Variants in TRIM42 observed in about 807,000 individuals in gnomAD.
The protein encoded by TRIM42 is tripartite motif containing 42.
A neutral mutation model predicts 64.9 loss-of-function variants in TRIM42; 59 were observed. The observed-to-expected ratio is 0.91, with a 90% CI of 0.74 to 1.13. TRIM42 has a LOEUF of 1.13. Among genes scored for constraint, TRIM42 ranks in the 50% most tolerant of loss-of-function variants. TRIM42 has a pLI of 0.00. For missense variants in TRIM42, 878 were observed against 929.5 expected (o/e 0.94, Z 0.72); for synonymous variants, 354 against 346.3 (o/e 1.02, Z -0.25).
Position 140,697,928 on chromosome 3 carries a change from C to T in TRIM42, c.2086-2960C>T, listed in dbSNP as rs369503728. Reference sequence around the variant, plus strand: ...TCTATCTCCTGACCTCGTGATCTGCCGGCCTCAGCCTCCCAAAGTGCTGGG... The same window carrying T: ...TCTATCTCCTGACCTCGTGATCTGCTGGCCTCAGCCTCCCAAAGTGCTGGG... On this transcript the variant is annotated intron_variant, in intron 4 of 4. Transcript: ENST00000286349. Among the ~76,000 whole-genome samples the T allele has an allele frequency of 7.2e-4, 109 of 152,296 alleles. 1 individual carries two copies. Among genetic ancestry groups the T allele is most frequent in the African/African-American group, 2.5e-3 (105 of 41,574 alleles).
chr3:140,685,812 T>C (rs535543659), intron 2 of TRIM42, among the ~76,000 whole-genome samples: 8 of 152,344 alleles, frequency 5.3e-5, no homozygotes, highest in African/African-American at 1.9e-4. Context: ...TGTAACACTA[T>C]ACAGTCACTT....
intron 4 of TRIM42, among the ~76,000 whole-genome samples, chr3:140,696,965 A>G (rs946034688): frequency 2.0e-5 from 3 of 152,156 alleles, no homozygotes; most frequent in African/African-American, 7.2e-5. Flanking sequence ...ACATGTGGGT[A>G]CTTAATTTGA....
chr3:140,699,827 T>C (rs907351420), intron 4 of TRIM42, among the ~76,000 whole-genome samples: 1 of 152,250 alleles, frequency 6.6e-6, no homozygotes, highest in African/African-American at 2.4e-5. Context: ...TTGCCTTGCA[T>C]GCAGCCCTGT....
intron 1 of TRIM42, 71 bp from the exon 2 acceptor site, chr3:140,682,391 T>C (rs1988421574): frequency 2.0e-6 from 3 of 1,474,364 alleles, no homozygotes; most frequent in Non-Finnish European, 2.8e-6. Context: ...CAAGAGTTCT[T>C]TCAGAGGTAG....
chr3:140,699,234 C>A (rs1032481197), intron 4 of TRIM42, among the ~76,000 whole-genome samples: 1 of 152,054 alleles, frequency 6.6e-6, no homozygotes. Flanking sequence ...TCAGTTAGCT[C>A]GTATTTTATT....
At position 140,688,451 on chromosome 3, in the gene TRIM42, TC is replaced by T. The variant is rs769007621; in HGVS notation, c.1771del (p.His591ThrfsTer11). 1.2e-6 allele frequency: 2 copies of T among 1,614,148 alleles called. No individual in the cohort carries two copies. Among genetic ancestry groups the T allele is most frequent in the Non-Finnish European group, 1.7e-6 (2 of 1,180,026 alleles). ...CAGTCTGTACAGAACAGCAGCAGCT[TC>T]CACAACTGGTACTCATTCAACGATG... ...DSQSVQNSSS[F>X]HNWYSFNDGS... On this transcript the variant is annotated frameshift_variant, in exon 3 of 5. Coordinates refer to ENST00000286349, the MANE Select transcript of TRIM42 (RefSeq NM_152616.5). LOFTEE classifies it high-confidence loss of function.
chr3:140,692,645 T>A (rs1396479617), intron 4 of TRIM42, among the ~76,000 whole-genome samples: 1 of 151,668 alleles, frequency 6.6e-6, no homozygotes, highest in East Asian at 1.9e-4. Context: ...TAGCCACTCC[T>A]CCTGCCAGCC....
chr3:140,696,041 G>T (rs1215326834), intron 4 of TRIM42, among the ~76,000 whole-genome samples: 1 of 152,136 alleles, frequency 6.6e-6, no homozygotes, highest in Non-Finnish European at 1.5e-5. Flanking sequence ...TATAATTTCG[G>T]ATCATGCTGG....
chr3:140,688,409 G>A lies in TRIM42; in HGVS notation c.1727G>A (p.Ser576Asn). 1 of 1,614,194 alleles carries A rather than the reference G, an allele frequency of 6.2e-7. No homozygotes were observed. Among genetic ancestry groups the A allele is most frequent in the Non-Finnish European group, 8.5e-7 (1 of 1,180,020 alleles). ...KPTDGLYTYW[S>N]AGADSQSVQN... ...ACAGACGGCCTCTACACCTACTGGA[G>A]TGCTGGAGCAGACAGCCAGTCTGTA... The change falls in exon 3 of 5, where the codon AGT becomes AAT. Residue 576 changes from serine to asparagine, a missense_variant. Coordinates refer to ENST00000286349, the MANE Select transcript of TRIM42 (RefSeq NM_152616.5).
chr3:140,687,626 T>G lies in TRIM42; in HGVS notation c.1040-96T>G, dbSNP rs924475523. 20 of 900,120 alleles carry G rather than the reference T, an allele frequency of 2.2e-5. No individual in the cohort carries two copies. The African/African-American group carries it at 3.1e-4, about 14-fold the overall frequency. The allele number at this position is 900,120 out of a possible 1,614,324, so 55.8% of individuals were successfully genotyped here. On this transcript the variant is annotated intron_variant, in intron 2 of 4. Coordinates refer to ENST00000286349, the MANE Select transcript of TRIM42 (RefSeq NM_152616.5). ...TGCCTTCCCTCCCTCTTCATTCACC[T>G]CCTTGGAGCCTAGGGTAATTTGTTC...
Position 140,682,945 on chromosome 3 carries a change from C to T in TRIM42, c.825C>T (p.His275=), listed in dbSNP as rs35585224. 9.2e-3 allele frequency: 14,773 copies of T among 1,614,204 alleles called. 1,154 individuals are homozygous for T. In the African/African-American group the frequency reaches 0.17, roughly 18 times the overall value. Residue 275 remains histidine, a synonymous_variant, in exon 2 of 5, where the codon CAC becomes CAT. Transcript: ENST00000286349. ...ACTCGGATGTGGCCATGCAAGACCA[C>T]GTCTTTGTGGACACCAGCGCCGAGG... ...AFHSDVAMQD[H]VFVDTSAEEQ... is the part of the protein sequence containing the mutation.
intron 4 of TRIM42, among the ~76,000 whole-genome samples, chr3:140,694,480 C>G (rs1988800171): frequency 6.6e-6 from 1 of 152,118 alleles, no homozygotes; most frequent in Non-Finnish European, 1.5e-5. Context: ...ATCTGTTGAC[C>G]ATCATACCCA....
chr3:140,682,757 C>T lies in TRIM42; in HGVS notation c.637C>T (p.Arg213Cys). 6.2e-7 allele frequency: 1 copy of T among 1,613,130 alleles called. No individual in the cohort carries two copies. The highest frequency in any genetic ancestry group is 8.5e-7 in the Non-Finnish European group (1 of 1,180,022). Residue 213 changes from arginine (R) to cysteine (C), a missense_variant, in exon 2 of 5, where the codon CGT (arginine) becomes TGT (cysteine). Transcript: ENST00000286349. ...MQLPENYLHG[R>C]LTKRYMQEHG... Reference sequence around the variant, plus strand: ...GCTGCCCGAGAACTACCTGCACGGGCGTCTCACCAAGCGCTACATGCAGGA... The same window carrying T: ...GCTGCCCGAGAACTACCTGCACGGGTGTCTCACCAAGCGCTACATGCAGGA...
rs1407120399 is a variant in TRIM42 at position 140,687,913 on chromosome 3, A to G, written c.1231A>G (p.Lys411Glu). 1 of 1,614,056 alleles carries G rather than the reference A, an allele frequency of 6.2e-7. No homozygotes were observed. Among genetic ancestry groups the G allele is most frequent in the African/African-American group, 1.3e-5 (1 of 74,920 alleles). The change falls in exon 3 of 5, where the codon AAA (lysine) becomes GAA (glutamate). Residue 411 changes from lysine (K) to glutamate (E), a missense_variant. Transcript: ENST00000286349. ...AGTGTCCAGGCAGAAGGAAATTGAA[A>G]AATATGTGTATGTTACAACCATGAA... ...LEVSRQKEIE[K>E]YVYVTTMKVN... is the part of the protein sequence containing the mutation.
In TRIM42 at chr3:140,691,009, G is replaced by A. The variant is rs114408147; in HGVS notation, c.1902G>A (p.Glu634=). 193 of 1,614,064 alleles carry A rather than the reference G, an allele frequency of 1.2e-4. No homozygotes were observed. The African/African-American group carries it at 2.4e-3, about 20-fold the overall frequency. ...TCPAEDVDSF[E]MEFYEVITSP... Reference sequence around the variant, plus strand: ...CAGCAGAAGACGTGGACTCTTTTGAGATGGAATTCTATGAAGTCATTACTT... The same window carrying A: ...CAGCAGAAGACGTGGACTCTTTTGAAATGGAATTCTATGAAGTCATTACTT... The change falls in exon 4 of 5, where the codon GAG becomes GAA. Residue 634 remains glutamate, a synonymous_variant. Transcript: ENST00000286349.
At chr3:140,680,554 C>A in intron 1 of TRIM42, 1 of 378,496 alleles carries the variant, frequency 2.6e-6, no homozygotes, top group Non-Finnish European at 3.6e-6. Context: ...GTGAAGGCCT[C>A]ATAACAGCCT....
In TRIM42 at chr3:140,678,142, G is replaced by C; in HGVS notation, c.-88G>C. On this transcript the variant is annotated 5_prime_UTR_variant, in exon 1 of 5. Transcript: ENST00000286349. ...CTGACGGCCTCAGGAATGGGAGGAA[G>C]GACTCCTCCACTGGAGAACTGATAG... 1 of 1,214,992 alleles carries C rather than the reference G, an allele frequency of 8.2e-7. No individual in the cohort carries two copies. The highest frequency in any genetic ancestry group is 2.3e-5 in the East Asian group (1 of 42,702). 75.3% of individuals were successfully genotyped at this position (1,214,992 alleles called of 1,614,324 possible).
chr3:140,697,370 C>T (rs1447147433), intron 4 of TRIM42, among the ~76,000 whole-genome samples: 2 of 152,046 alleles, frequency 1.3e-5, no homozygotes, highest in South Asian at 2.1e-4. Flanking sequence ...ATTATTTTTT[C>T]TTTATAGCTT....
At chr3:140,687,244 A>G (rs1988566161) in intron 2 of TRIM42, among the ~76,000 whole-genome samples, 1 of 152,186 alleles carries the variant, frequency 6.6e-6, no homozygotes. Context: ...CCACTGTTGT[A>G]TAGGGCTGGA....
Sources: allele counts gnomAD v4.1 joint callset (sites outside exome capture counted in the v4.1 genomes callset), GRCh38; gene constraint gnomAD v4.1.1; transcripts MANE v1.5; gene names NCBI Gene and HGNC (gene_info 2026-07-23, HGNC 2026-07-21).